Variants in CDH16 observed in about 807,000 individuals in gnomAD.
CDH16 encodes cadherin-16.
In CDH16, 79 loss-of-function variants were observed where a neutral mutation model predicts 87.6. The observed-to-expected ratio is 0.90, with a 90% confidence interval of 0.75 to 1.09. The LOEUF (loss-of-function observed/expected upper bound fraction) is 1.09. CDH16 is among the 50% of genes least tolerant of loss of function. The pLI is 0.00. For missense variants in CDH16, 1,124 were observed against 1,071.7 expected (o/e 1.05, Z -0.68); for synonymous variants, 457 against 439.5 (o/e 1.04, Z -0.50).
At chr16:66,915,146 G>C (rs1962620304) in intron 6 of CDH16, 74 bp downstream of exon 6, 5 of 1,410,518 alleles carry the variant, frequency 3.5e-6, no homozygotes, top group Non-Finnish European at 4.8e-6. Flanking sequence ...ACCCATGCTT[G>C]TCTTATGGTT....
In CDH16 at chr16:66,916,398, T is replaced by A. The variant is rs548752794; in HGVS notation, c.161A>T (p.Gln54Leu). The change falls in exon 4 of 18, where the codon CAG becomes CTG. Residue 54 changes from glutamine to leucine, a missense_variant. Gln to Leu is a moderately radical substitution (Grantham distance 113, BLOSUM62 -2). Coordinates refer to ENST00000299752, the MANE Select transcript of CDH16 (RefSeq NM_004062.4). This position sits in a 1 kb window ranked among gnomAD's most constrained non-coding sequence, Gnocchi z 4.1. The part of the protein sequence containing the change: ...LPLPREGAEG[Q>L]IVLSGDSGKA... ...GCCTGAGTCCCCTGACAGCACGATC[T>A]GGCCTTCAGCCCCCTCACGGGGCAG... is the stretch of plus-strand genomic sequence containing the variant. 18 of 1,611,592 alleles carry A rather than the reference T, an allele frequency of 1.1e-5. No individual in the cohort carries two copies. In the African/African-American group the frequency reaches 2.3e-4, roughly 20 times the overall value.
At chr16:66,914,510 C>T (rs2145464044) in intron 6 of CDH16, 98 bp from the exon 7 acceptor site, 1 of 835,118 alleles carries the variant, frequency 1.2e-6, no homozygotes. Context: ...AAGCATACAG[C>T]AGGTGATTGG....
Position 66,912,545 on chromosome 16 carries a change from T to A in CDH16, c.1318A>T (p.Thr440Ser). 1 of 1,614,144 alleles carries A rather than the reference T, an allele frequency of 6.2e-7. No homozygotes were observed. The highest frequency in any genetic ancestry group is 8.5e-7 in the Non-Finnish European group (1 of 1,180,018). The change falls in exon 11 of 18, where the codon ACA becomes TCA. Residue 440 changes from threonine to serine, a missense_variant. Transcript: ENST00000299752. Reference protein sequence around the residue: ...SSTCEVEVAVTDINDHAPEFI... With the variant: ...SSTCEVEVAVSDINDHAPEFI... ...TCAGGGGCGTGATCATTGATATCTG[T>A]GACTGCGACTTCGACTTCACACGTG... is the stretch of plus-strand genomic sequence containing the variant.
rs1962401519 is a variant in CDH16 at position 66,911,235 on chromosome 16, T to A, written c.1871A>T (p.Gln624Leu). Residue 624 changes from glutamine to leucine, a missense_variant, in exon 14 of 18, where the codon CAG (glutamine) becomes CTG (leucine). Coordinates refer to ENST00000299752, the MANE Select transcript of CDH16 (RefSeq NM_004062.4). ...GTAGGTGTCCCCAGGCTGGGCGCCC[T>A]GCAGGGACTGGGCGGTGTGCACCTC... ...SGEVHTAQSL[Q>L]GAQPGDTYTV... 1 of 1,613,302 alleles carries A rather than the reference T, an allele frequency of 6.2e-7. No homozygotes were observed.
In CDH16 at chr16:66,908,351, G is replaced by T; in HGVS notation, c.*41C>A. 6.5e-7 allele frequency: 1 copy of T among 1,533,804 alleles called. No homozygotes were observed. Among genetic ancestry groups the T allele is most frequent in the Non-Finnish European group, 9.0e-7 (1 of 1,109,248 alleles). On this transcript the variant is annotated 3_prime_UTR_variant, in exon 18 of 18. Coordinates refer to ENST00000299752, the MANE Select transcript of CDH16 (RefSeq NM_004062.4). Reference sequence around the variant, plus strand: ...GGCTCTCTCCCAGGGGACTCAGATGGAGCCAGAGGCCAAGCTCCCAGCTAG... The same window carrying T: ...GGCTCTCTCCCAGGGGACTCAGATGTAGCCAGAGGCCAAGCTCCCAGCTAG...
At position 66,916,080 on chromosome 16, in the gene CDH16, G is replaced by C; in HGVS notation, c.409C>G (p.Arg137Gly). ...GGTCACTCACCAGGCCTGGTACCCC[G>C]GCTCAGCCGAGCTCTGTAGATGGCT... is the stretch of plus-strand genomic sequence containing the variant. ...SQAIYRARLS[R>G]GTRPGIPFLF... The change falls in exon 5 of 18, where the codon CGG (arginine) becomes GGG (glycine). Residue 137 changes from arginine to glycine, a missense_variant. By Grantham distance (125) the Arg-to-Gly change is moderately radical. Transcript: ENST00000299752. The surrounding 1 kb of genome is among the most constrained non-coding windows in gnomAD (Gnocchi z 4.1). 6.2e-7 allele frequency: 1 copy of C among 1,614,152 alleles called. No homozygotes were observed. Among genetic ancestry groups the C allele is most frequent in the South Asian group, 1.1e-5 (1 of 91,082 alleles).
In CDH16 at chr16:66,909,979, A is replaced by G. The variant is rs762287281; in HGVS notation, c.2275+7T>C. The G allele has an allele frequency of 4.5e-5, 71 of 1,591,476 alleles. No individual in the cohort carries two copies. In the East Asian group the frequency reaches 1.5e-3, roughly 33 times the overall value. On this transcript the variant is annotated splice_region_variant and intron_variant, in intron 16 of 17. Coordinates refer to ENST00000299752, the MANE Select transcript of CDH16 (RefSeq NM_004062.4). This position sits in a 1 kb window ranked among gnomAD's most constrained non-coding sequence, Gnocchi z 4.1. ...GAACTGCAGGCTGCACCCAAGCCCA[A>G]TCTCACCTCGAACCAGGAGCTGCCA...
At chr16:66,912,631 C>G (rs1962481540) in intron 10 of CDH16, 33 bp downstream of exon 10, 1 of 1,613,814 alleles carries the variant, frequency 6.2e-7, no homozygotes, top group Non-Finnish European at 8.5e-7. Context: ...ACAGAGGGGA[C>G]AGGGGGCCTG....
intron 7 of CDH16, 111 bp downstream of exon 7, chr16:66,914,105 G>T: frequency 3.4e-6 from 3 of 894,612 alleles, no homozygotes; most frequent in Non-Finnish European, 5.3e-6. Context: ...AGAGTGGAGG[G>T]AGGAGCACGG....
At chr16:66,918,344 C>T (rs1962780815) in intron 1 of CDH16, among the ~76,000 whole-genome samples, 1 of 152,238 alleles carries the variant, frequency 6.6e-6, no homozygotes, top group Non-Finnish European at 1.5e-5. Flanking sequence ...CTCCTTCTCA[C>T]CATAGCCTCC....
Position 66,911,205 on chromosome 16 carries a change from A to C in CDH16, c.1901T>G (p.Val634Gly). Residue 634 changes from valine to glycine, a missense_variant, in exon 14 of 18, where the codon GTG becomes GGG. Coordinates refer to ENST00000299752, the MANE Select transcript of CDH16 (RefSeq NM_004062.4). The part of the protein sequence containing the change: ...QGAQPGDTYT[V>G]LVEAQDTDEP... ...ACCTGTATCCTGGGCCTCCACAAGC[A>C]CCGTGTAGGTGTCCCCAGGCTGGGC... 1 of 1,612,634 alleles carries C rather than the reference A, an allele frequency of 6.2e-7. No individual in the cohort carries two copies. The highest frequency in any genetic ancestry group is 8.5e-7 in the Non-Finnish European group (1 of 1,179,504).
At chr16:66,914,162 G>T (rs906693824) in intron 7 of CDH16, 54 bp downstream of exon 7, 9 of 1,480,002 alleles carry the variant, frequency 6.1e-6, no homozygotes, top group East Asian at 2.3e-5. Flanking sequence ...TGAGACTCGG[G>T]CCTGGCTGCA....
rs774108648 is a variant in CDH16, at chr16:66,912,410, A to T, written c.1380T>A (p.Pro460=). ...ITSQIGPISL[P]EDVEPGTLVA... The stretch of plus-strand genomic sequence containing the variant: ...CCAGAGTCCCGGGCTCCACATCCTC[A>T]GGGAGGCTTATAGGCCCAATCTGGA... The change falls in exon 12 of 18, where the codon CCT becomes CCA. Residue 460 remains proline, a synonymous_variant. Coordinates refer to ENST00000299752, the MANE Select transcript of CDH16 (RefSeq NM_004062.4). 1 of 1,613,992 alleles carries T rather than the reference A, an allele frequency of 6.2e-7. No homozygotes were observed. Among genetic ancestry groups the T allele is most frequent in the Admixed American group, 1.7e-5 (1 of 60,024 alleles).
At chr16:66,915,134 C>A (rs1962619801) in intron 6 of CDH16, 86 bp downstream of exon 6, 2 of 1,325,176 alleles carry the variant, frequency 1.5e-6, no homozygotes, top group Admixed American at 4.4e-5. Flanking sequence ...TCTCAAGCTC[C>A]CACCCATGCT....
In CDH16 at chr16:66,915,395, G is replaced by A; in HGVS notation, c.425-17C>T. Reference sequence around the variant, plus strand: ...AGGGGATGCCTGGTTCACGGTGGGAGGGCAAACTGTAAGGGATAGAGAGGG... The same window carrying A: ...AGGGGATGCCTGGTTCACGGTGGGAAGGCAAACTGTAAGGGATAGAGAGGG... On this transcript the variant is annotated splice_polypyrimidine_tract_variant and intron_variant, in intron 5 of 17. Transcript: ENST00000299752. The A allele has an allele frequency of 6.2e-7, 1 of 1,612,646 alleles. No homozygotes were observed. The highest frequency in any genetic ancestry group is 8.5e-7 in the Non-Finnish European group (1 of 1,179,292).
At position 66,910,434 on chromosome 16, in the gene CDH16, G is replaced by C. The variant is rs1198032063; in HGVS notation, c.1993C>G (p.Leu665Val). The change falls in exon 15 of 18, where the codon CTG becomes GTG. Residue 665 changes from leucine to valine, a missense_variant. Transcript: ENST00000299752. ...TGGGAGGGCACAGGGGCAAGAGTCA[G>C]GGCTGGGGCAGGAGGGGCCTTTAGG... ...HFLKAPPAPA[L>V]TLAPVPSQYL... is the part of the protein sequence containing the mutation. The C allele has an allele frequency of 5.0e-6, 8 of 1,595,976 alleles. No individual in the cohort carries two copies. The East Asian group carries it at 1.8e-4, about 36-fold the overall frequency.
chr16:66,910,372 G>C lies in CDH16; in HGVS notation c.2055C>G (p.Ile685Met), dbSNP rs766156376. Residue 685 changes from isoleucine (I) to methionine (M), a missense_variant, in exon 15 of 18, where the codon ATC (isoleucine) becomes ATG (methionine). Ile to Met is a conservative substitution (Grantham distance 10). Coordinates refer to ENST00000299752, the MANE Select transcript of CDH16 (RefSeq NM_004062.4). ...CGGGGTCCTTGCTGGGTCCACTCAC[G>C]ATCAAGCCATGGTCTTGGCGGGGTG... ...LCTPRQDHGL[I>M]VSGPSKDPDL... 1 of 1,613,666 alleles carries C rather than the reference G, an allele frequency of 6.2e-7. No homozygotes were observed. Among genetic ancestry groups the C allele is most frequent in the Non-Finnish European group, 8.5e-7 (1 of 1,179,842 alleles).
At position 66,916,433 on chromosome 16, in the gene CDH16, A is replaced by T. The variant is rs1267775401; in HGVS notation, c.130-4T>A. 6.3e-7 allele frequency: 1 copy of T among 1,594,008 alleles called. No homozygotes were observed. The highest frequency in any genetic ancestry group is 1.1e-5 in the South Asian group (1 of 88,652). ...CCCCCTCACGGGGCAGCGGCAACTG[A>T]TGGAAATGAACAGAAGTGAAGGGAG... On this transcript the variant is annotated splice_polypyrimidine_tract_variant and splice_region_variant and intron_variant, in intron 3 of 17. Coordinates refer to ENST00000299752, the MANE Select transcript of CDH16 (RefSeq NM_004062.4). The surrounding 1 kb of genome is among the most constrained non-coding windows in gnomAD (Gnocchi z 4.1).
In CDH16 at chr16:66,909,579, G is replaced by A. The variant is rs552333225; in HGVS notation, c.2276-196C>T. Among the ~76,000 whole-genome samples, 31 of 152,274 alleles carry A rather than the reference G, an allele frequency of 2.0e-4. No homozygotes were observed. The highest frequency in any genetic ancestry group is 7.2e-4 in the African/African-American group (30 of 41,546). ...CCAGCCCTTTGGGAGGCCGAAATGG[G>A]TGGATCACTTAAGCCAGGAGTTCAT... On this transcript the variant is annotated intron_variant, in intron 16 of 17. Transcript: ENST00000299752. The surrounding 1 kb of genome is among the most constrained non-coding windows in gnomAD (Gnocchi z 4.1).
Sources: gnomAD v4.1 joint callset for allele counts (sites outside exome capture counted in the v4.1 genomes callset) on GRCh38, gnomAD v4.1.1 for gene constraint, Gnocchi (gnomAD v3.1) non-coding constraint, MANE v1.5 for transcripts, NCBI Gene and HGNC (gene_info 2026-07-23, HGNC 2026-07-21) for gene names.